FNIP1: variants seen among roughly 807,000 people sequenced by gnomAD.
The protein encoded by FNIP1 is folliculin interacting protein 1.
A neutral mutation model predicts 124.5 loss-of-function variants in FNIP1; 40 were observed. The observed-to-expected ratio is 0.32, with a 90% CI of 0.25 to 0.42. The LOEUF (loss-of-function observed/expected upper bound fraction) is 0.42, where lower values mean the gene tolerates loss of function less well. FNIP1 is among the 10% of genes least tolerant of loss of function. The pLI is 1.00. For missense variants in FNIP1, 1,176 were observed against 1,403.7 expected (o/e 0.84, Z 2.59); for synonymous variants, 472 against 470.6 (o/e 1.00, Z -0.04).
chr5:131,687,429 A>G (rs770763131), intron 11 of FNIP1, among the ~76,000 whole-genome samples: 11 of 152,180 alleles, frequency 7.2e-5, no homozygotes, highest in East Asian at 1.9e-4. Flanking sequence ...TAACTCAACA[A>G]AGTTTTAAAT....
At chr5:131,684,533 A>C (rs1008395624) in intron 11 of FNIP1, among the ~76,000 whole-genome samples, 3 of 152,228 alleles carry the variant, frequency 2.0e-5, no homozygotes, top group Admixed American at 1.3e-4. Flanking sequence ...GGAAAGGCAC[A>C]TAATAGTGAC....
At chr5:131,669,060 G>A (rs1266926242) in intron 15 of FNIP1, among the ~76,000 whole-genome samples, 2 of 152,152 alleles carry the variant, frequency 1.3e-5, no homozygotes, top group East Asian at 1.9e-4. Flanking sequence ...TAAAAGGATT[G>A]TAAGTGTATA....
chr5:131,653,270 G>A (rs928973200), intron 15 of FNIP1, among the ~76,000 whole-genome samples: 1 of 152,042 alleles, frequency 6.6e-6, no homozygotes, highest in East Asian at 1.9e-4. Flanking sequence ...GGGCGTGGTA[G>A]TTCACGCCTA....
chr5:131,763,322 C>T (rs1348350776), intron 1 of FNIP1, among the ~76,000 whole-genome samples: 1 of 130,074 alleles, frequency 7.7e-6, no homozygotes, highest in Admixed American at 8.0e-5. Flanking sequence ...CACACACACA[C>T]ACACGACTAC....
At chr5:131,792,704 C>T (rs1008432091) in intron 1 of FNIP1, among the ~76,000 whole-genome samples, 9 of 152,066 alleles carry the variant, frequency 5.9e-5, no homozygotes, top group Non-Finnish European at 1.2e-4. Context: ...AAAATGCAGT[C>T]GACACTTTGT....
Position 131,723,656 on chromosome 5 carries a change from A to G in FNIP1, c.355-4239T>C, listed in dbSNP as rs1034164421. ...ATTCCTGGAAGCTAATAATCTGTTA[A>G]ACCCTGTGTAACTCAAAGACAATGT... On this transcript the variant is annotated intron_variant, in intron 3 of 17. Coordinates refer to ENST00000510461, the MANE Select transcript of FNIP1 (RefSeq NM_133372.3). Among the ~76,000 whole-genome samples, 44 of 152,222 alleles carry G rather than the reference A, an allele frequency of 2.9e-4. 2 individuals carry two copies. The highest frequency in any genetic ancestry group is 2.9e-5 in the Non-Finnish European group (2 of 68,040).
At chr5:131,704,799 T>C (rs1769028429) in intron 9 of FNIP1, among the ~76,000 whole-genome samples, 1 of 152,108 alleles carries the variant, frequency 6.6e-6, no homozygotes, top group Non-Finnish European at 1.5e-5. Context: ...ACATGTAGTA[T>C]ATAAATCAAA....
At chr5:131,651,373 A>G (rs1225885747) in intron 16 of FNIP1, among the ~76,000 whole-genome samples, 1 of 152,144 alleles carries the variant, frequency 6.6e-6, no homozygotes, top group Non-Finnish European at 1.5e-5. Context: ...AACCCAGGTG[A>G]TGGGATTAAG....
chr5:131,695,056 G>A (rs1768641737), intron 11 of FNIP1, among the ~76,000 whole-genome samples: 1 of 151,984 alleles, frequency 6.6e-6, no homozygotes, highest in South Asian at 2.1e-4. Context: ...AGTGAGTTGA[G>A]ATCGTGCTAC....
intron 2 of FNIP1, among the ~76,000 whole-genome samples, chr5:131,741,822 A>G (rs998931418): frequency 6.6e-6 from 1 of 152,214 alleles, no homozygotes; most frequent in Admixed American, 6.5e-5. Flanking sequence ...ATTTAATTAA[A>G]TACACTCAAA....
intron 10 of FNIP1, among the ~76,000 whole-genome samples, chr5:131,700,991 G>A (rs989961421): frequency 6.6e-6 from 1 of 152,112 alleles, no homozygotes; most frequent in African/African-American, 2.4e-5. Flanking sequence ...ATTTTAGGTC[G>A]GGGTCCCCAG....
intron 6 of FNIP1, among the ~76,000 whole-genome samples, chr5:131,711,713 C>G (rs1769296418): frequency 6.6e-6 from 1 of 152,176 alleles, no homozygotes; most frequent in African/African-American, 2.4e-5. Flanking sequence ...CCAAGTTGAT[C>G]TCAAATTCCT....
chr5:131,649,229 G>A (rs1224248630), intron 16 of FNIP1, among the ~76,000 whole-genome samples: 4 of 152,134 alleles, frequency 2.6e-5, no homozygotes, highest in African/African-American at 9.7e-5. Flanking sequence ...TTGAGGAACA[G>A]CCAAACTTTT....
At chr5:131,729,055 A>G (rs1769988339) in intron 3 of FNIP1, among the ~76,000 whole-genome samples, 1 of 152,048 alleles carries the variant, frequency 6.6e-6, no homozygotes, top group African/African-American at 2.4e-5. Flanking sequence ...TTCCTCTGGA[A>G]GCTTCATTCC....
chr5:131,776,904 C>T (rs1020430426), intron 1 of FNIP1, among the ~76,000 whole-genome samples: 5 of 152,014 alleles, frequency 3.3e-5, no homozygotes, highest in Non-Finnish European at 5.9e-5. Flanking sequence ...GTTTACGATC[C>T]GTACACTTTT....
At chr5:131,657,927 G>C (rs1248309115) in intron 15 of FNIP1, among the ~76,000 whole-genome samples, 2 of 151,638 alleles carry the variant, frequency 1.3e-5, no homozygotes, top group Non-Finnish European at 2.9e-5. Context: ...TGTAGTCCCA[G>C]CTGCTGGGGA....
At chr5:131,790,551 T>C (rs1325773239) in intron 1 of FNIP1, among the ~76,000 whole-genome samples, 6 of 141,362 alleles carry the variant, frequency 4.2e-5, no homozygotes, top group Non-Finnish European at 7.7e-5. Context: ...CTATTCCCCA[T>C]ACACAACCCC....
intron 5 of FNIP1, among the ~76,000 whole-genome samples, chr5:131,717,468 C>A (rs1386664002): frequency 6.6e-6 from 1 of 152,036 alleles, no homozygotes; most frequent in Non-Finnish European, 1.5e-5. Context: ...AGTTGCTGAA[C>A]CTGATTTAGA....
At chr5:131,735,699 A>G (rs1284705139) in intron 2 of FNIP1, among the ~76,000 whole-genome samples, 1 of 150,616 alleles carries the variant, frequency 6.6e-6, no homozygotes, top group African/African-American at 2.4e-5. Context: ...GAAGAACTAG[A>G]TGTGAGTTCA....
Sources: allele counts gnomAD v4.1 joint callset (sites outside exome capture counted in the v4.1 genomes callset), GRCh38; gene constraint gnomAD v4.1.1; transcripts MANE v1.5; gene names NCBI Gene and HGNC (gene_info 2026-07-23, HGNC 2026-07-21).